CNTNAP2: variants seen among roughly 807,000 people sequenced by gnomAD.
CNTNAP2 encodes the protein contactin associated protein 2.
CNTNAP2 carries 98 observed loss-of-function variants against 155.2 expected under a neutral mutation model. The observed-to-expected ratio is 0.63, with a 90% CI of 0.54 to 0.75. CNTNAP2 has a LOEUF of 0.75. Among genes scored for constraint, CNTNAP2 ranks in the 30% least tolerant of loss-of-function variants. The pLI is 0.00. For synonymous variants in CNTNAP2, 651 were observed against 631.2 expected (o/e 1.03, Z -0.47); for missense variants, 1,727 against 1,688.1 (o/e 1.02, Z -0.40).
intron 9 of CNTNAP2, among the ~76,000 whole-genome samples, chr7:147,317,444 C>G (rs56087231): frequency 0.014 from 2,122 of 152,322 alleles, 46 homozygotes; most frequent in African/African-American, 0.049. Context: ...CCTCACCCAG[C>G]CTTCTGCTTC....
intron 15 of CNTNAP2, among the ~76,000 whole-genome samples, chr7:147,989,410 T>C (rs1184142724): frequency 2.0e-5 from 3 of 152,240 alleles, no homozygotes; most frequent in Non-Finnish European, 2.9e-5. Flanking sequence ...GTAACATCAC[T>C]GAGTTTGCTC....
At chr7:146,920,217 C>A (rs1796473965) in intron 3 of CNTNAP2, among the ~76,000 whole-genome samples, 2 of 151,982 alleles carry the variant, frequency 1.3e-5, no homozygotes. Flanking sequence ...CGTTCAAGAC[C>A]AGCCTGGGCA....
At chr7:147,847,875 C>CCT (rs1284752328) in intron 13 of CNTNAP2, among the ~76,000 whole-genome samples, 40 of 110,040 alleles carry the variant, frequency 3.6e-4, no homozygotes, top group Non-Finnish European at 5.5e-5. Context: ...GTCAGTGTGC[C>CCT]CCTGCTGGGG....
intron 1 of CNTNAP2, among the ~76,000 whole-genome samples, chr7:146,124,120 G>A (rs1325012690): frequency 6.6e-6 from 1 of 152,106 alleles, no homozygotes; most frequent in African/African-American, 2.4e-5. Flanking sequence ...CTAGGGGAGG[G>A]ATAGCATTAG....
At chr7:146,779,401 A>G (rs1314670224) in intron 2 of CNTNAP2, among the ~76,000 whole-genome samples, 2 of 152,212 alleles carry the variant, frequency 1.3e-5, no homozygotes, top group Non-Finnish European at 2.9e-5. Context: ...AGGGAGAGGG[A>G]CACAAATCCA....
chr7:147,382,296 A>G (rs1796549826), intron 9 of CNTNAP2, among the ~76,000 whole-genome samples: 1 of 152,154 alleles, frequency 6.6e-6, no homozygotes, highest in African/African-American at 2.4e-5. Flanking sequence ...CAAGCCAGAA[A>G]CAAATTGGAA....
intron 1 of CNTNAP2, among the ~76,000 whole-genome samples, chr7:146,215,678 T>C (rs1340339336): frequency 6.6e-6 from 1 of 152,096 alleles, no homozygotes; most frequent in African/African-American, 2.4e-5. Context: ...TTAAACTTCC[T>C]GTATGGAATG....
chr7:147,504,381 A>G (rs1798869721), intron 11 of CNTNAP2, among the ~76,000 whole-genome samples: 1 of 152,114 alleles, frequency 6.6e-6, no homozygotes, highest in East Asian at 1.9e-4. Context: ...TTATGGAGAC[A>G]GTATATAATC....
intron 1 of CNTNAP2, among the ~76,000 whole-genome samples, chr7:146,151,707 T>C (rs1157311474): frequency 1.5e-5 from 1 of 65,906 alleles, no homozygotes. Flanking sequence ...TGTATATATA[T>C]ATATATGTAT....
intron 1 of CNTNAP2, among the ~76,000 whole-genome samples, chr7:146,161,781 C>T: frequency 6.6e-6 from 1 of 152,122 alleles, no homozygotes; most frequent in African/African-American, 2.4e-5. Flanking sequence ...GCTACAGTAA[C>T]CAAAACAGCA....
At chr7:147,995,373 A>T (rs1801784137) in intron 15 of CNTNAP2, among the ~76,000 whole-genome samples, 1 of 151,974 alleles carries the variant, frequency 6.6e-6, no homozygotes, top group South Asian at 2.1e-4. Flanking sequence ...TGCTCCCCAA[A>T]CCCTTCTCCA....
chr7:146,247,764 G>A (rs1799686086), intron 1 of CNTNAP2, among the ~76,000 whole-genome samples: 1 of 152,196 alleles, frequency 6.6e-6, no homozygotes. Context: ...GGTCAGGTGA[G>A]AGGTGAAGAG....
At chr7:148,199,364 T>C (rs1352505371) in intron 18 of CNTNAP2, among the ~76,000 whole-genome samples, 1 of 152,214 alleles carries the variant, frequency 6.6e-6, no homozygotes, top group African/African-American at 2.4e-5. Context: ...TGTTTTATTC[T>C]AAGAGGGCTG....
chr7:147,235,758 C>A (rs567249603), intron 8 of CNTNAP2, among the ~76,000 whole-genome samples: 40 of 152,126 alleles, frequency 2.6e-4, no homozygotes, highest in Non-Finnish European at 4.7e-4. Flanking sequence ...TGCTTTCTGG[C>A]AGTAAATGTT....
intron 13 of CNTNAP2, among the ~76,000 whole-genome samples, chr7:147,746,010 A>G (rs1428718842): frequency 6.6e-6 from 1 of 152,204 alleles, no homozygotes; most frequent in East Asian, 1.9e-4. Flanking sequence ...AACCACAATA[A>G]AGAAATCATG....
chr7:147,690,775 A>C (rs1796076664), intron 13 of CNTNAP2, among the ~76,000 whole-genome samples: 1 of 152,168 alleles, frequency 6.6e-6, no homozygotes, highest in South Asian at 2.1e-4. Flanking sequence ...GTATATTTGA[A>C]TAATACAATT....
At position 147,673,099 on chromosome 7, in the gene CNTNAP2, G is replaced by T. The variant is rs186755562; in HGVS notation, c.2098+33793G>T. ...TTCCAGACTACAAATCAATGGATTT[G>T]ATTCTACTACACATTTGCCAATAAA... is the stretch of plus-strand genomic sequence containing the variant. On this transcript the variant is annotated intron_variant, in intron 13 of 23. Coordinates refer to ENST00000361727, the MANE Select transcript of CNTNAP2 (RefSeq NM_014141.6). 16 of 152,180 alleles carry T rather than the reference G, an allele frequency of 1.1e-4. No homozygotes were observed. In the South Asian group the frequency reaches 2.5e-3, roughly 24 times the overall value. The allele number at this position is 152,180 out of a possible 1,614,324, so 9.4% of individuals were successfully genotyped here. A position where few individuals can be genotyped will look rare whatever the true frequency, so the allele number is the denominator to read the frequency against.
rs79705134 is a variant in CNTNAP2, at chr7:147,776,380, G to T, written c.2099-127185G>T. Among the ~76,000 whole-genome samples the T allele has an allele frequency of 4.9e-3, 735 of 151,510 alleles. 13 individuals carry two copies. Among genetic ancestry groups the T allele is most frequent in the African/African-American group, 0.017 (701 of 41,274 alleles). ...AAAAAAAATGAATGAAGAGGAAAAA[G>T]GAAAAGAAACTGTAAATGCACAATT... On this transcript the variant is annotated intron_variant, in intron 13 of 23. Coordinates refer to ENST00000361727, the MANE Select transcript of CNTNAP2 (RefSeq NM_014141.6).
intron 15 of CNTNAP2, among the ~76,000 whole-genome samples, chr7:148,068,028 G>C (rs1345374648): frequency 3.3e-5 from 5 of 152,112 alleles, no homozygotes; most frequent in Non-Finnish European, 5.9e-5. Flanking sequence ...TTTATATCCA[G>C]GTGCCGGTGA....
Sources: allele counts gnomAD v4.1 joint callset (sites outside exome capture counted in the v4.1 genomes callset), GRCh38; gene constraint gnomAD v4.1.1; transcripts MANE v1.5; gene names NCBI Gene and HGNC (gene_info 2026-07-23, HGNC 2026-07-21).